The following NCR3LG1 variants were observed in gnomAD, a reference collection of about 807,000 sequenced individuals.
NCR3LG1 encodes natural killer cell cytotoxicity receptor 3 ligand 1, also known as natural cytotoxicity triggering receptor 3 ligand 1.
A neutral mutation model predicts 34.8 loss-of-function variants in NCR3LG1; 35 were observed. The ratio of observed to expected loss-of-function variants is 1.01; its 90% CI spans 0.77 to 1.33. The LOEUF (loss-of-function observed/expected upper bound fraction) is 1.33, where lower values mean the gene tolerates loss of function less well. NCR3LG1 is among the 40% of genes most tolerant of loss of function. The probability of loss-of-function intolerance (pLI) is 0.00; values close to 1 mark genes in which losing one functional copy is unlikely to be tolerated. For missense variants in NCR3LG1, 452 were observed against 423.3 expected, an observed-to-expected ratio of 1.07 and a Z score of -0.60; for synonymous variants, 173 against 163.6, an observed-to-expected ratio of 1.06 and a Z score of -0.44.
At chr11:17,355,090 A>G (rs1953189617) in intron 1 of NCR3LG1, among the ~76,000 whole-genome samples, 2 of 152,138 alleles carry the variant, frequency 1.3e-5, no homozygotes, top group African/African-American at 2.4e-5. Flanking sequence ...CTTGCTAGCA[A>G]CCTACTGTTC....
chr11:17,364,511 A>G (rs1048330656), intron 2 of NCR3LG1, among the ~76,000 whole-genome samples: 2 of 149,110 alleles, frequency 1.3e-5, no homozygotes, highest in African/African-American at 5.0e-5. Context: ...GGAAGTTTCT[A>G]TTAACATCTT....
downstream of NCR3LG1, among the ~76,000 whole-genome samples, chr11:17,378,415 C>CTCG (rs1303944500): frequency 6.6e-6 from 1 of 152,150 alleles, no homozygotes; most frequent in African/African-American, 2.4e-5. Flanking sequence ...CCCCCTTTTG[C>CTCG]TCGTGTGTTT....
Position 17,372,529 on chromosome 11 carries a change from G to A in NCR3LG1, c.*17G>A, listed in dbSNP as rs1223000435. Reference sequence around the variant, plus strand: ...CTACAGTAAATGCCTGATGGACCTGGTGCCACTAGGGTCCAAGTTCCCTTT... The same window carrying A: ...CTACAGTAAATGCCTGATGGACCTGATGCCACTAGGGTCCAAGTTCCCTTT... On this transcript the variant is annotated 3_prime_UTR_variant, in exon 5 of 5. Coordinates refer to ENST00000338965, the MANE Select transcript of NCR3LG1 (RefSeq NM_001202439.3). The A allele has an allele frequency of 3.0e-6, 2 of 671,418 alleles. No homozygotes were observed. Among genetic ancestry groups the A allele is most frequent in the East Asian group, 2.7e-5 (1 of 36,990 alleles). The allele number at this position is 671,418 out of a possible 1,614,324, so 41.6% of individuals were successfully genotyped here. A position where few individuals can be genotyped will look rare whatever the true frequency, so the allele number is the denominator to read the frequency against.
chr11:17,352,752 TGA>T (rs780567622), intron 1 of NCR3LG1, among the ~76,000 whole-genome samples: 1 of 151,908 alleles, frequency 6.6e-6, no homozygotes, highest in Non-Finnish European at 1.5e-5. Flanking sequence ...AGGTCTTTAC[TGA>T]GAGAGGGAGG....
In NCR3LG1 at chr11:17,375,971, C is replaced by G. The variant is rs1306032924; in HGVS notation, c.*3459C>G. 1 of 152,204 alleles carries G rather than the reference C, an allele frequency of 6.6e-6. No homozygotes were observed. Among genetic ancestry groups the G allele is most frequent in the African/African-American group, 2.4e-5 (1 of 41,454 alleles). The allele number at this position is 152,204 out of a possible 1,614,324, so 9.4% of individuals were successfully genotyped here. ...GCCAATGGAAGATTCTTAAAATCCT[C>G]CACTGAGCCTTTCACTTAGGAAAGC... On this transcript the variant is annotated 3_prime_UTR_variant, in exon 5 of 5. Coordinates refer to ENST00000338965, the MANE Select transcript of NCR3LG1 (RefSeq NM_001202439.3).
chr11:17,368,094 A>T (rs920680155), intron 3 of NCR3LG1, among the ~76,000 whole-genome samples: 2 of 152,200 alleles, frequency 1.3e-5, no homozygotes, highest in East Asian at 3.9e-4. Context: ...CTGGGATTAC[A>T]GGTATGAGCC....
intron 1 of NCR3LG1, among the ~76,000 whole-genome samples, chr11:17,352,624 A>AT (rs1176514656): frequency 1.3e-5 from 2 of 152,094 alleles, no homozygotes; most frequent in African/African-American, 4.8e-5. Flanking sequence ...GTGCCTCGGT[A>AT]TTTGGCGCCT....
chr11:17,359,817 T>A (rs1183629722), intron 2 of NCR3LG1, among the ~76,000 whole-genome samples: 1 of 151,970 alleles, frequency 6.6e-6, no homozygotes, highest in Non-Finnish European at 1.5e-5. Context: ...CAGCCCAGAT[T>A]TTAGCCATTT....
At position 17,368,935 on chromosome 11, in the gene NCR3LG1, T is replaced by A. The variant is rs151071610; in HGVS notation, c.829T>A (p.Leu277Ile). 4.0e-4 allele frequency: 620 copies of A among 1,534,510 alleles called. 6 individuals carry two copies. In the East Asian group the frequency reaches 0.015, roughly 37 times the overall value. Residue 277 changes from leucine (L) to isoleucine (I), a missense_variant, in exon 4 of 5, where the codon TTA (leucine) becomes ATA (isoleucine). Leu to Ile is a conservative substitution (Grantham distance 5). Transcript: ENST00000338965. Reference sequence around the variant, plus strand: ...TTCATTCATTGGTGTTGGACTGGTTTTATTAATTGTTTTGATTCCTTGGAA... The same window carrying A: ...TTCATTCATTGGTGTTGGACTGGTTATATTAATTGTTTTGATTCCTTGGAA... ...PISFIGVGLV[L>I]LIVLIPWKKI...
intron 4 of NCR3LG1, among the ~76,000 whole-genome samples, chr11:17,370,456 T>C (rs1345773754): frequency 6.6e-6 from 1 of 152,212 alleles, no homozygotes; most frequent in Non-Finnish European, 1.5e-5. Flanking sequence ...AGAGGCTTCT[T>C]GTCCTCAGAT....
At chr11:17,370,038 C>A (rs761492513) in intron 4 of NCR3LG1, among the ~76,000 whole-genome samples, 5 of 152,194 alleles carry the variant, frequency 3.3e-5, no homozygotes, top group Non-Finnish European at 7.4e-5. Context: ...GACATGCTCA[C>A]AATAGAAAAT....
intron 1 of NCR3LG1, among the ~76,000 whole-genome samples, chr11:17,354,600 G>A (rs1453063209): frequency 8.5e-6 from 1 of 117,890 alleles, no homozygotes; most frequent in Non-Finnish European, 1.6e-5. Context: ...TTTTAAGAGT[G>A]ACAATACAAC....
chr11:17,362,673 CTCCTTCCTTCCT>C (rs145031864), intron 2 of NCR3LG1, among the ~76,000 whole-genome samples: 7,948 of 63,768 alleles, frequency 0.12, 2,202 homozygotes, highest in African/African-American at 0.47. Context: ...GACTCAGTGT[CTCCTTCCTTCCT>C]TCCTTCCTTT....
Position 17,372,937 on chromosome 11 carries a change from C to T in NCR3LG1, c.*425C>T, listed in dbSNP as rs907992166. ...GGGCCTACAGAGGACCAGAGCCAAG[C>T]CTCTTAATTACCCCAAACTCTCCAT... On this transcript the variant is annotated 3_prime_UTR_variant, in exon 5 of 5. Coordinates refer to ENST00000338965, the MANE Select transcript of NCR3LG1 (RefSeq NM_001202439.3). The T allele has an allele frequency of 2.4e-5, 4 of 164,242 alleles. No individual in the cohort carries two copies. Among genetic ancestry groups the T allele is most frequent in the African/African-American group, 4.8e-5 (2 of 41,682 alleles). The allele number at this position is 164,242 out of a possible 1,614,324, so 10.2% of individuals were successfully genotyped here. A position where few individuals can be genotyped will look rare whatever the true frequency, so the allele number is the denominator to read the frequency against.
At chr11:17,352,093 T>C (rs1190589235) in intron 1 of NCR3LG1, 54 bp downstream of exon 1, 3 of 1,314,508 alleles carry the variant, frequency 2.3e-6, no homozygotes, top group Non-Finnish European at 3.1e-6. Context: ...CAGAGGGTCC[T>C]CGCGGGTCGG....
chr11:17,368,927 G>T lies in NCR3LG1; in HGVS notation c.821G>T (p.Gly274Val). The T allele has an allele frequency of 1.3e-6, 2 of 1,535,176 alleles. No individual in the cohort carries two copies. The highest frequency in any genetic ancestry group is 1.7e-6 in the Non-Finnish European group (2 of 1,146,050). The change falls in exon 4 of 5, where the codon GGA (glycine) becomes GTA (valine). Residue 274 changes from glycine (G) to valine (V), a missense_variant. Coordinates refer to ENST00000338965, the MANE Select transcript of NCR3LG1 (RefSeq NM_001202439.3). ...TGGCCTATTTCATTCATTGGTGTTG[G>T]ACTGGTTTTATTAATTGTTTTGATT... ...HWWPISFIGV[G>V]LVLLIVLIPW...
chr11:17,379,982 G>A (rs908755776), downstream of NCR3LG1, among the ~76,000 whole-genome samples: 5 of 152,086 alleles, frequency 3.3e-5, no homozygotes, highest in East Asian at 3.9e-4. Context: ...GTTCCAGCTG[G>A]TGCCATGCTC....
chr11:17,353,464 C>T (rs567289674), intron 1 of NCR3LG1, among the ~76,000 whole-genome samples: 1 of 151,506 alleles, frequency 6.6e-6, no homozygotes, highest in South Asian at 2.1e-4. Flanking sequence ...AACGCCTCCG[C>T]GCTCTATCAG....
intron 1 of NCR3LG1, among the ~76,000 whole-genome samples, chr11:17,354,664 CA>C (rs1381407369): frequency 1.3e-5 from 2 of 150,286 alleles, no homozygotes; most frequent in East Asian, 2.0e-4. Flanking sequence ...GGTTGGCCAC[CA>C]GGGGGAAGCA....
Sources: allele counts gnomAD v4.1 joint callset (sites outside exome capture counted in the v4.1 genomes callset), GRCh38; gene constraint gnomAD v4.1.1; transcripts MANE v1.5; gene names NCBI Gene and HGNC (gene_info 2026-07-23, HGNC 2026-07-21).